The following INPP4B variants were observed in gnomAD, a reference collection of about 807,000 sequenced individuals.
The protein encoded by INPP4B is inositol polyphosphate 4-phosphatase type II.
INPP4B carries 55 observed loss-of-function variants against 122.5 expected under a neutral mutation model. The observed-to-expected ratio is 0.45, with a 90% CI of 0.36 to 0.56. INPP4B has a LOEUF of 0.56. INPP4B is among the 20% of genes least tolerant of loss of function. The pLI, the probability that INPP4B is intolerant of heterozygous loss-of-function variation, is 0.00. For missense variants in INPP4B, 1,000 were observed against 1,097.7 expected, an observed-to-expected ratio of 0.91 and a Z score of 1.26; for synonymous variants, 403 against 388.7, an observed-to-expected ratio of 1.04 and a Z score of -0.43.
chr4:142,620,042 A>G (rs1341869815), intron 2 of INPP4B, among the ~76,000 whole-genome samples: 1 of 152,020 alleles, frequency 6.6e-6, no homozygotes, highest in African/African-American at 2.4e-5. Context: ...TGCTAGCTGC[A>G]GAGAAAAGAT....
intron 5 of INPP4B, among the ~76,000 whole-genome samples, chr4:142,407,394 A>C (rs1803650293): frequency 6.6e-6 from 1 of 152,074 alleles, no homozygotes. Context: ...CTGAGTTCTT[A>C]TCAGACTTGA....
At chr4:142,799,024 G>T (rs1047386089) in intron 1 of INPP4B, among the ~76,000 whole-genome samples, 7 of 151,666 alleles carry the variant, frequency 4.6e-5, no homozygotes, top group African/African-American at 1.7e-4. Context: ...CTTTACCCAT[G>T]AGCACATAAT....
intron 5 of INPP4B, among the ~76,000 whole-genome samples, chr4:142,424,216 G>C (rs1466366305): frequency 6.6e-6 from 1 of 151,664 alleles, no homozygotes; most frequent in Non-Finnish European, 1.5e-5. Context: ...AATATTCTTA[G>C]ATACCCTAGG....
At chr4:142,320,100 G>A (rs1475431165) in intron 7 of INPP4B, among the ~76,000 whole-genome samples, 9 of 152,156 alleles carry the variant, frequency 5.9e-5, no homozygotes, top group African/African-American at 1.9e-4. Context: ...CTGTTCACAG[G>A]AGGATGCTCT....
intron 2 of INPP4B, among the ~76,000 whole-genome samples, chr4:142,494,925 C>T (rs1180781223): frequency 6.6e-6 from 1 of 152,126 alleles, no homozygotes; most frequent in Non-Finnish European, 1.5e-5. Context: ...ATTTTTTCCC[C>T]ATTTAACAGC....
intron 18 of INPP4B, among the ~76,000 whole-genome samples, chr4:142,131,190 G>A (rs1232942218): frequency 2.6e-5 from 4 of 152,188 alleles, no homozygotes; most frequent in Non-Finnish European, 2.9e-5. Context: ...AACAGGCTGG[G>A]TATTTAAGAA....
At chr4:142,716,623 T>C (rs948201781) in intron 2 of INPP4B, among the ~76,000 whole-genome samples, 7 of 152,228 alleles carry the variant, frequency 4.6e-5, no homozygotes, top group African/African-American at 1.7e-4. Flanking sequence ...ACGTGCCCAA[T>C]CCTTGCAGAA....
intron 2 of INPP4B, among the ~76,000 whole-genome samples, chr4:142,610,975 A>T (rs1246535743): frequency 1.3e-5 from 2 of 152,174 alleles, no homozygotes; most frequent in Non-Finnish European, 2.9e-5. Context: ...CTGCTACAAA[A>T]ACATACCTGA....
chr4:142,578,571 T>C (rs1476285805), intron 2 of INPP4B, among the ~76,000 whole-genome samples: 2 of 151,930 alleles, frequency 1.3e-5, no homozygotes, highest in Non-Finnish European at 2.9e-5. Flanking sequence ...CAGACATCCC[T>C]GGTCTCTCTT....
chr4:142,420,753 G>A (rs1469271901), intron 5 of INPP4B, among the ~76,000 whole-genome samples: 2 of 152,206 alleles, frequency 1.3e-5, no homozygotes, highest in East Asian at 1.9e-4. Flanking sequence ...GGTAATGGGA[G>A]GCAACTGTTG....
intron 2 of INPP4B, among the ~76,000 whole-genome samples, chr4:142,631,442 G>C (rs1747931744): frequency 6.6e-6 from 1 of 152,084 alleles, no homozygotes; most frequent in Non-Finnish European, 1.5e-5. Flanking sequence ...GTAAGGAACA[G>C]GGAATATAAT....
chr4:142,832,898 G>A (rs545682485), intron 1 of INPP4B, among the ~76,000 whole-genome samples: 3 of 152,222 alleles, frequency 2.0e-5, no homozygotes, highest in African/African-American at 4.8e-5. Flanking sequence ...CAGCCATAAA[G>A]TGTATTAAAA....
intron 1 of INPP4B, among the ~76,000 whole-genome samples, chr4:142,771,078 T>A (rs995592892): frequency 3.9e-5 from 6 of 152,058 alleles, no homozygotes; most frequent in African/African-American, 1.4e-4. Context: ...TTATCCAAGG[T>A]GGTCAGGGAA....
chr4:142,307,256 G>C (rs796510563), intron 8 of INPP4B, among the ~76,000 whole-genome samples: 8 of 152,188 alleles, frequency 5.3e-5, no homozygotes, highest in African/African-American at 1.9e-4. Flanking sequence ...CACCAGAGAT[G>C]CTCTCTAAGA....
intron 2 of INPP4B, among the ~76,000 whole-genome samples, chr4:142,526,238 C>A (rs1158956401): frequency 6.6e-6 from 1 of 151,984 alleles, no homozygotes; most frequent in Non-Finnish European, 1.5e-5. Flanking sequence ...TATTTAAAAG[C>A]CCTTTTATCT....
At position 142,628,767 on chromosome 4, in the gene INPP4B, C is replaced by T. The variant is rs562819200; in HGVS notation, c.-191+97072G>A. On this transcript the variant is annotated intron_variant, in intron 2 of 25. Transcript: ENST00000262992. ...TTTGCAGAGAAGATATATTCATTCT[C>T]TATGACAGTTTTATTCTCCCATAGG... Among the ~76,000 whole-genome samples, 3 of 152,086 alleles carry T rather than the reference C, an allele frequency of 2.0e-5. No individual in the cohort carries two copies. The South Asian group carries it at 6.2e-4, about 32-fold the overall frequency.
chr4:142,603,495 G>A (rs968812702), intron 2 of INPP4B, among the ~76,000 whole-genome samples: 2 of 151,010 alleles, frequency 1.3e-5, no homozygotes, highest in African/African-American at 2.4e-5. Flanking sequence ...GAAGAGATAA[G>A]AGACAAAAAA....
At chr4:142,485,296 A>G (rs1227101636) in intron 2 of INPP4B, among the ~76,000 whole-genome samples, 2 of 152,090 alleles carry the variant, frequency 1.3e-5, no homozygotes, top group Non-Finnish European at 2.9e-5. Flanking sequence ...CATAAAAAAG[A>G]CCAACCAACC....
intron 2 of INPP4B, among the ~76,000 whole-genome samples, chr4:142,527,876 T>C (rs979389073): frequency 1.3e-5 from 2 of 151,980 alleles, no homozygotes; most frequent in African/African-American, 2.4e-5. Flanking sequence ...TGTGTTAACG[T>C]GTTCTTTTTC....
Sources: allele counts gnomAD v4.1 joint callset (sites outside exome capture counted in the v4.1 genomes callset), GRCh38; gene constraint gnomAD v4.1.1; transcripts MANE v1.5; gene names NCBI Gene and HGNC (gene_info 2026-07-23, HGNC 2026-07-21).